KCNMB4: variants seen among roughly 807,000 people sequenced by gnomAD.
KCNMB4 encodes calcium-activated potassium channel subunit beta-4.
In KCNMB4, 3 loss-of-function variants were observed where a neutral mutation model predicts 20.7. The observed-to-expected ratio is 0.14, with a 90% confidence interval of 0.07 to 0.37. The LOEUF is 0.37. Ranked by LOEUF, KCNMB4 falls within the 10% of genes least tolerant of loss-of-function variation. The pLI is 1.00. For missense variants in KCNMB4, 168 were observed against 265.9 expected (o/e 0.63, Z 2.56); for synonymous variants, 110 against 113.4 (o/e 0.97, Z 0.19).
chr12:70,410,868 A>G (rs1054311347), intron 2 of KCNMB4, among the ~76,000 whole-genome samples: 5 of 152,224 alleles, frequency 3.3e-5, no homozygotes, highest in Non-Finnish European at 5.9e-5. Context: ...TAACAGATAT[A>G]TCCTAATTTC....
At chr12:70,406,917 C>G (rs569436715) in intron 2 of KCNMB4, among the ~76,000 whole-genome samples, 1 of 152,108 alleles carries the variant, frequency 6.6e-6, no homozygotes, top group Non-Finnish European at 1.5e-5. Flanking sequence ...TTTGTACTCT[C>G]GCAACAATTC....
intron 2 of KCNMB4, among the ~76,000 whole-genome samples, chr12:70,412,247 G>A (rs7312048): frequency 0.42 from 63,989 of 152,018 alleles, 13,691 homozygotes; most frequent in East Asian, 0.6. Flanking sequence ...TGTGAGTGCT[G>A]CTGCCTCCTG....
intron 1 of KCNMB4, among the ~76,000 whole-genome samples, chr12:70,374,282 TTTGGGCACTTA>T (rs1237061933): frequency 6.6e-6 from 1 of 152,230 alleles, no homozygotes; most frequent in African/African-American, 2.4e-5. Context: ...TTTAAAATGT[TTTGGGCACTTA>T]TTTATGAATG....
chr12:70,389,752 A>G (rs1254140786), intron 1 of KCNMB4, among the ~76,000 whole-genome samples: 2 of 152,088 alleles, frequency 1.3e-5, no homozygotes, highest in Non-Finnish European at 2.9e-5. Context: ...CCATCTGCCT[A>G]CTTCTCATAC....
Position 70,430,757 on chromosome 12 carries a change from C to G in KCNMB4, c.*104C>G. 2 of 1,139,738 alleles carry G rather than the reference C, an allele frequency of 1.8e-6. No homozygotes were observed. The highest frequency in any genetic ancestry group is 2.4e-6 in the Non-Finnish European group (2 of 844,084). The allele number at this position is 1,139,738 out of a possible 1,614,324, so 70.6% of individuals were successfully genotyped here. A position where few individuals can be genotyped will look rare whatever the true frequency, so the allele number is the denominator to read the frequency against. Reference sequence around the variant, plus strand: ...CTGGCGCAGGAGATGGACAGGGCCACGACAGGGCTCTGAGAGGCTCATCCC... The same window carrying G: ...CTGGCGCAGGAGATGGACAGGGCCAGGACAGGGCTCTGAGAGGCTCATCCC... On this transcript the variant is annotated 3_prime_UTR_variant, in exon 3 of 3. Coordinates refer to ENST00000258111, the MANE Select transcript of KCNMB4 (RefSeq NM_014505.6).
chr12:70,401,914 A>G (rs531322354), intron 2 of KCNMB4, among the ~76,000 whole-genome samples: 39 of 152,088 alleles, frequency 2.6e-4, no homozygotes, highest in African/African-American at 7.2e-4. Context: ...GACACCTTCT[A>G]TTGGTCAAAG....
At chr12:70,380,834 GT>G (rs1473116188) in intron 1 of KCNMB4, among the ~76,000 whole-genome samples, 1 of 152,142 alleles carries the variant, frequency 6.6e-6, no homozygotes, top group Non-Finnish European at 1.5e-5. Context: ...CTAAATATAA[GT>G]GCTAAAACTT....
intron 1 of KCNMB4, among the ~76,000 whole-genome samples, chr12:70,384,396 A>G (rs537784449): frequency 2.7e-4 from 41 of 152,350 alleles, no homozygotes; most frequent in African/African-American, 9.4e-4. Flanking sequence ...GGATCGATGT[A>G]TTAAGATAAA....
intron 1 of KCNMB4, among the ~76,000 whole-genome samples, chr12:70,382,449 A>T (rs1435560735): frequency 6.6e-6 from 1 of 150,398 alleles, no homozygotes; most frequent in Non-Finnish European, 1.5e-5. Context: ...AAAAAAAAAA[A>T]AAAAAAAATT....
intron 2 of KCNMB4, among the ~76,000 whole-genome samples, chr12:70,424,068 G>A (rs1283072406): frequency 1.3e-5 from 2 of 152,206 alleles, no homozygotes; most frequent in South Asian, 2.1e-4. Flanking sequence ...GGAAAAGGGA[G>A]AGGAAGAAAA....
At chr12:70,407,177 G>A (rs998864776) in intron 2 of KCNMB4, among the ~76,000 whole-genome samples, 3 of 152,122 alleles carry the variant, frequency 2.0e-5, no homozygotes, top group South Asian at 2.1e-4. Flanking sequence ...TAATTTGCTA[G>A]AATGGCTCAC....
chr12:70,375,456 C>G (rs1883668337), intron 1 of KCNMB4, among the ~76,000 whole-genome samples: 1 of 146,374 alleles, frequency 6.8e-6, no homozygotes, highest in African/African-American at 2.6e-5. Context: ...GCAACATAGC[C>G]AAGACCACAT....
At chr12:70,375,494 T>A (rs1593321396) in intron 1 of KCNMB4, among the ~76,000 whole-genome samples, 1 of 127,064 alleles carries the variant, frequency 7.9e-6, no homozygotes, top group Admixed American at 7.7e-5. Flanking sequence ...AAAAAAAAAA[T>A]TAGCCAGACA....
At chr12:70,388,573 T>C (rs1156910733) in intron 1 of KCNMB4, among the ~76,000 whole-genome samples, 3 of 152,214 alleles carry the variant, frequency 2.0e-5, no homozygotes, top group Non-Finnish European at 4.4e-5. Context: ...GGTGAGATGA[T>C]ATCTCATTGT....
At position 70,379,677 on chromosome 12, in the gene KCNMB4, G is replaced by A. The variant is rs991514340; in HGVS notation, c.336+12607G>A. 2.0e-5 allele frequency among the ~76,000 whole-genome samples: 3 copies of A among 152,198 alleles called. No individual in the cohort carries two copies. The East Asian group carries it at 5.8e-4, about 29-fold the overall frequency. ...ATCTGCCTTCTTCTCCCTTCAGAAT[G>A]CTGGGATTACAGGCATGAGCCACCA... On this transcript the variant is annotated intron_variant, in intron 1 of 2. Transcript: ENST00000258111.
chr12:70,367,968 T>C (rs1883525590), intron 1 of KCNMB4, among the ~76,000 whole-genome samples: 1 of 152,076 alleles, frequency 6.6e-6, no homozygotes, highest in African/African-American at 2.4e-5. Flanking sequence ...AAAAATAACT[T>C]ATAAAAAGCA....
chr12:70,390,269 C>T (rs968471454), intron 1 of KCNMB4, among the ~76,000 whole-genome samples: 1 of 152,146 alleles, frequency 6.6e-6, no homozygotes, highest in African/African-American at 2.4e-5. Flanking sequence ...AGAGAAGGTG[C>T]CTTGGGAGTG....
chr12:70,383,811 G>T (rs1320616725), intron 1 of KCNMB4, among the ~76,000 whole-genome samples: 3 of 152,192 alleles, frequency 2.0e-5, no homozygotes, highest in Non-Finnish European at 2.9e-5. Flanking sequence ...GCTTACGCCT[G>T]TAATCCCAGC....
At chr12:70,399,718 G>A (rs1314139211) in intron 1 of KCNMB4, among the ~76,000 whole-genome samples, 2 of 152,178 alleles carry the variant, frequency 1.3e-5, no homozygotes, top group Non-Finnish European at 2.9e-5. Flanking sequence ...CACTGATTTT[G>A]TTGTCCAAGA....
Sources: gnomAD v4.1 joint callset for allele counts (sites outside exome capture counted in the v4.1 genomes callset) on GRCh38, gnomAD v4.1.1 for gene constraint, MANE v1.5 for transcripts, NCBI Gene and HGNC (gene_info 2026-07-23, HGNC 2026-07-21) for gene names.